The following PRB2 variants were observed in gnomAD, a reference collection of about 807,000 sequenced individuals.
PRB2 encodes the protein proline rich protein BstNI subfamily 2.
In PRB2, 12 loss-of-function variants were observed where a neutral mutation model predicts 8.3. The observed-to-expected ratio is 1.45, with a 90% CI of 0.93 to 2.35. PRB2 has a LOEUF of 2.35. PRB2 is among the 30% of genes most tolerant of loss of function. The pLI, the probability that PRB2 is intolerant of heterozygous loss-of-function variation, is 0.00. For synonymous variants in PRB2, 146 were observed against 180.0 expected (o/e 0.81, Z 1.51); for missense variants, 470 against 507.0 (o/e 0.93, Z 0.70).
At chr12:11,394,393 A>C (rs1224948030) in intron 2 of PRB2, 102 bp downstream of exon 2, 1 of 1,398,104 alleles carries the variant, frequency 7.2e-7, no homozygotes, top group Non-Finnish European at 1.0e-6. Context: ...AACATTAATC[A>C]ATTCCCGAAA....
rs765363110 is a variant in PRB2, at chr12:11,393,355, C to T, written c.723G>A (p.Lys241=). The T allele has an allele frequency of 6.3e-7, 1 of 1,586,644 alleles. No individual in the cohort carries two copies. Among genetic ancestry groups the T allele is most frequent in the African/African-American group, 1.6e-5 (1 of 60,896 alleles). The change falls in exon 3 of 4, where the codon AAG becomes AAA. Residue 241 remains lysine, a synonymous_variant. Coordinates refer to ENST00000389362, the MANE Select transcript of PRB2 (RefSeq NM_006248.4). ...KSQSARSPPG[K]PQGPPPQGGN... ...CTCCTTGTGGGGGTGGTCCTTGTGG[C>T]TTTCCTGGAGGAGATCGGGCACTTT...
intron 1 of PRB2, among the ~76,000 whole-genome samples, chr12:11,395,253 C>T (rs1220516833): frequency 6.6e-6 from 1 of 152,020 alleles, no homozygotes; most frequent in Non-Finnish European, 1.5e-5. Flanking sequence ...CCTTCTCATT[C>T]CCCTGGAACA....
At chr12:11,394,106 C>T in intron 2 of PRB2, 129 bp from the exon 3 acceptor site, 1 of 1,305,118 alleles carries the variant, frequency 7.7e-7, no homozygotes, top group South Asian at 1.3e-5. Context: ...GAGACCAAGA[C>T]ATTAATTTCT....
At position 11,393,686 on chromosome 12, in the gene PRB2, C is replaced by A. The variant is rs367936170; in HGVS notation, c.392G>T (p.Gly131Val). The change falls in exon 3 of 4, where the codon GGT (glycine) becomes GTT (valine). Residue 131 changes from glycine to valine, a missense_variant. Around this residue, in one of 4 missense-constraint regions of PRB2, gnomAD observed 211 missense variants for 207.7 expected, o/e 1.02. Coordinates refer to ENST00000389362, the MANE Select transcript of PRB2 (RefSeq NM_006248.4). ...TGGCTTTCCTGGAGGAGGTGGAGGA[C>A]CTTGAGGCTGGTTGCCTCCTTGTGG... is the stretch of plus-strand genomic sequence containing the variant. Reference protein sequence around the residue: ...PPPQGGNQPQGPPPPPGKPQG... With the variant: ...PPPQGGNQPQVPPPPPGKPQG... The A allele has an allele frequency of 6.7e-5, 106 of 1,572,182 alleles. 1 individual carries two copies. The South Asian group carries it at 1.2e-3, about 17-fold the overall frequency.
intron 2 of PRB2, 79 bp downstream of exon 2, chr12:11,394,416 T>A: frequency 2.0e-6 from 3 of 1,517,748 alleles, no homozygotes; most frequent in Non-Finnish European, 2.7e-6. Context: ...AAAGTTTTGA[T>A]AAGAAGACAC....
At position 11,393,000 on chromosome 12, in the gene PRB2, G is replaced by C; in HGVS notation, c.1078C>G (p.Arg360Gly). 3 of 1,612,758 alleles carry C rather than the reference G, an allele frequency of 1.9e-6. No homozygotes were observed. Among genetic ancestry groups the C allele is most frequent in the Non-Finnish European group, 2.5e-6 (3 of 1,179,660 alleles). Residue 360 changes from arginine (R) to glycine (G), a missense_variant, in exon 3 of 4, where the codon CGA becomes GGA. Arg to Gly is a moderately radical substitution (Grantham distance 125). Transcript: ENST00000389362. The part of the protein sequence containing the change: ...PQGGSKSRSA[R>G]SPPGKPQGPP... ...CCTTGTGGCTTTCCTGGAGGAGATC[G>C]GGCACTTCGGGACTTGCTGCCTCCT...
rs545655808 is a variant in PRB2, at chr12:11,393,080, C to G, written c.998G>C (p.Gly333Ala). Residue 333 changes from glycine (G) to alanine (A), a missense_variant, in exon 3 of 4, where the codon GGC becomes GCC. Physicochemically the swap from Gly to Ala is moderately conservative, Grantham distance 60. This residue lies in a region of PRB2 where 205 missense variants were observed against 195.0 expected (regional missense o/e 1.05). Transcript: ENST00000389362. Reference protein sequence around the residue: ...GKPQGPPPQGGNKPQGPPPPG... With the variant: ...GKPQGPPPQGANKPQGPPPPG... Reference sequence around the variant, plus strand: ...AGGTGGGGGACCTTGAGGTTTGTTGCCTCCTTGTGGGGGTGGTCCTTGTGG... The same window carrying G: ...AGGTGGGGGACCTTGAGGTTTGTTGGCTCCTTGTGGGGGTGGTCCTTGTGG... 1.6e-4 allele frequency: 238 copies of G among 1,525,420 alleles called. 1 individual carries two copies. The highest frequency in any genetic ancestry group is 1.3e-3 in the Admixed American group (69 of 52,846). The allele number at this position is 1,525,420 out of a possible 1,614,324, so 94.5% of individuals were successfully genotyped here. A position where few individuals can be genotyped will look rare whatever the true frequency, so the allele number is the denominator to read the frequency against.
rs373878795 is a variant in PRB2, at chr12:11,393,342, G to T, written c.736C>A (p.Pro246Thr). The T allele has an allele frequency of 6.3e-7, 1 of 1,582,010 alleles. No individual in the cohort carries two copies. The highest frequency in any genetic ancestry group is 8.5e-7 in the Non-Finnish European group (1 of 1,171,866). Residue 246 changes from proline (P) to threonine (T), a missense_variant, in exon 3 of 4, where the codon CCC becomes ACC. Pro to Thr is a conservative substitution (Grantham distance 38). Coordinates refer to ENST00000389362, the MANE Select transcript of PRB2 (RefSeq NM_006248.4). ...TGGGGCTGGTTGCCTCCTTGTGGGG[G>T]TGGTCCTTGTGGCTTTCCTGGAGGA... is the stretch of plus-strand genomic sequence containing the variant. ...RSPPGKPQGP[P>T]PQGGNQPQGP...
Position 11,395,448 on chromosome 12 carries a change from C to T in PRB2, c.64+18G>A, listed in dbSNP as rs16931354. ...GCCCCAAGCAGAGTCACCACATCTT[C>T]TCCCCCTTCTGTTTTACCTTCATTT... On this transcript the variant is annotated intron_variant, in intron 1 of 3. Coordinates refer to ENST00000389362, the MANE Select transcript of PRB2 (RefSeq NM_006248.4). The T allele has an allele frequency of 9.9e-6, 16 of 1,613,798 alleles. No homozygotes were observed. The highest frequency in any genetic ancestry group is 2.2e-5 in the East Asian group (1 of 44,890).
intron 1 of PRB2, 79 bp downstream of exon 1, chr12:11,395,387 C>A (rs1305180291): frequency 3.8e-6 from 6 of 1,581,504 alleles, no homozygotes; most frequent in Non-Finnish European, 4.3e-6. Context: ...TTTTCATTCT[C>A]CTCTCTTCCC....
Position 11,392,862 on chromosome 12 carries a change from G to A in PRB2, c.1216C>T (p.Pro406Ser). The change falls in exon 3 of 4, where the codon CCT (proline) becomes TCT (serine). Residue 406 changes from proline to serine, a missense_variant. Around this residue, in one of 4 missense-constraint regions of PRB2, gnomAD observed 17 missense variants for 38.3 expected, o/e 0.44. Transcript: ENST00000389362. Reference protein sequence around the residue: ...AGQPQGPPRPPQGGRPSRPPQ With the variant: ...AGQPQGPPRPSQGGRPSRPPQ Reference sequence around the variant, plus strand: ...GGTCTGGAAGGTCTGCCCCCTTGAGGAGGGCGTGGTGGTCCCTGGGGCTGT... The same window carrying A: ...GGTCTGGAAGGTCTGCCCCCTTGAGAAGGGCGTGGTGGTCCCTGGGGCTGT... The A allele has an allele frequency of 6.4e-7, 1 of 1,571,140 alleles. No individual in the cohort carries two copies. Among genetic ancestry groups the A allele is most frequent in the Non-Finnish European group, 8.6e-7 (1 of 1,161,832 alleles).
chr12:11,391,833 T>C (rs981600367), intron 3 of PRB2, among the ~76,000 whole-genome samples, 185 bp from the exon 4 acceptor site: 2 of 144,272 alleles, frequency 1.4e-5, no homozygotes, highest in African/African-American at 2.7e-5. Flanking sequence ...TTGCACAAAA[T>C]GTGCTCCAAA....
In PRB2 at chr12:11,395,524, C is replaced by A; in HGVS notation, c.6G>T (p.Leu2=). The A allele has an allele frequency of 1.2e-6, 2 of 1,612,826 alleles. No homozygotes were observed. The highest frequency in any genetic ancestry group is 1.7e-6 in the Non-Finnish European group (2 of 1,179,430). The change falls in exon 1 of 4, where the codon CTG becomes CTT. Residue 2 remains leucine (L), a synonymous_variant. Coordinates refer to ENST00000389362, the MANE Select transcript of PRB2 (RefSeq NM_006248.4). ...GCAAGGCCACTGACAGCAGAATCAACAGCATCTTGCAGGAGGCTCTGGAGT... is the reference window on the plus strand; with the variant it reads ...GCAAGGCCACTGACAGCAGAATCAAAAGCATCTTGCAGGAGGCTCTGGAGT... M[L]LILLSVALLA...
intron 1 of PRB2, among the ~76,000 whole-genome samples, 184 bp from the exon 2 acceptor site, chr12:11,394,714 A>C (rs1259044844): frequency 6.6e-6 from 1 of 152,130 alleles, no homozygotes; most frequent in Non-Finnish European, 1.5e-5. Flanking sequence ...GGTTGTTATG[A>C]CAGAGCAACA....
chr12:11,394,731 A>G (rs1864384253), intron 1 of PRB2, among the ~76,000 whole-genome samples: 1 of 152,180 alleles, frequency 6.6e-6, no homozygotes, highest in Admixed American at 6.5e-5. Context: ...AACAGCCATG[A>G]ACTCAACATA....
chr12:11,393,056 G>A lies in PRB2; in HGVS notation c.1022C>T (p.Pro341Leu), dbSNP rs377197500. 2.3e-4 allele frequency: 373 copies of A among 1,603,106 alleles called. 1 individual carries two copies. The highest frequency in any genetic ancestry group is 3.0e-4 in the Non-Finnish European group (356 of 1,175,690). Reference protein sequence around the residue: ...QGGNKPQGPPPPGKPQGPPPQ... With the variant: ...QGGNKPQGPPLPGKPQGPPPQ... ...GGGTGGTCCTTGTGGCTTTCCTGGAGGTGGGGGACCTTGAGGTTTGTTGCC... is the reference window on the plus strand; with the variant it reads ...GGGTGGTCCTTGTGGCTTTCCTGGAAGTGGGGGACCTTGAGGTTTGTTGCC... Residue 341 changes from proline to leucine, a missense_variant, in exon 3 of 4, where the codon CCT (proline) becomes CTT (leucine). By Grantham distance (98) the Pro-to-Leu change is moderately conservative. Transcript: ENST00000389362.
chr12:11,394,962 G>A (rs2136692472), intron 1 of PRB2, among the ~76,000 whole-genome samples: 1 of 152,188 alleles, frequency 6.6e-6, no homozygotes, highest in South Asian at 2.1e-4. Flanking sequence ...AATACTGCGT[G>A]TAAGGGAGAG....
rs112839376 is a variant in PRB2 at position 11,394,578 on chromosome 12, A to T, written c.65-48T>A. 3,283 of 1,595,778 alleles carry T rather than the reference A, an allele frequency of 2.1e-3. 52 individuals are homozygous for T. In the African/African-American group the frequency reaches 0.037, roughly 18 times the overall value. On this transcript the variant is annotated intron_variant, in intron 1 of 3. Transcript: ENST00000389362. ...TGGGAACAGTTACATCTTGAACCTT[A>T]CAAGACTCACAAGTGTTCTACAGGG...
In PRB2 at chr12:11,393,492, G is replaced by T; in HGVS notation, c.586C>A (p.Pro196Thr). 1.4e-6 allele frequency: 2 copies of T among 1,419,228 alleles called. No homozygotes were observed. The highest frequency in any genetic ancestry group is 9.4e-7 in the Non-Finnish European group (1 of 1,066,304). 87.9% of individuals were successfully genotyped at this position (1,419,228 alleles called of 1,614,324 possible). A position where few individuals can be genotyped will look rare whatever the true frequency, so the allele number is the denominator to read the frequency against. ...GGTCCTTGTGGCTTTCCTGGAGGAG[G>T]TGGGGGACCTTGGGGCTGGTTGCCT... ...QGGNQPQGPPPPPGKPQGPPP... is the reference protein window; with the variant it reads ...QGGNQPQGPPTPPGKPQGPPP... Residue 196 changes from proline to threonine, a missense_variant, in exon 3 of 4, where the codon CCT becomes ACT. Pro to Thr is a conservative substitution (Grantham distance 38). Coordinates refer to ENST00000389362, the MANE Select transcript of PRB2 (RefSeq NM_006248.4).
Sources: allele counts gnomAD v4.1 joint callset (sites outside exome capture counted in the v4.1 genomes callset), GRCh38; gene constraint gnomAD v4.1.1; regional missense constraint gnomAD v4.1.1; transcripts MANE v1.5; gene names NCBI Gene and HGNC (gene_info 2026-07-23, HGNC 2026-07-21).